Variants in HYDIN observed in about 807,000 individuals in gnomAD.
HYDIN encodes HYDIN axonemal central pair apparatus protein.
A neutral mutation model predicts 403.9 loss-of-function variants in HYDIN; 132 were observed. The ratio of observed to expected loss-of-function variants is 0.33; its 90% confidence interval spans 0.28 to 0.38. The LOEUF is 0.38. Ranked by LOEUF, HYDIN falls within the 10% of genes least tolerant of loss-of-function variation. The pLI, the probability that HYDIN is intolerant of heterozygous loss-of-function variation, is 1.00. For missense variants in HYDIN, 2,827 were observed against 5,009.5 expected (o/e 0.56, Z 13.15); for synonymous variants, 1,202 against 1,891.7 (o/e 0.64, Z 9.46).
intron 1 of HYDIN, among the ~76,000 whole-genome samples, chr16:71,189,061 T>C (rs2087292351): frequency 6.6e-6 from 1 of 152,238 alleles, no homozygotes; most frequent in African/African-American, 2.4e-5. Context: ...ATTATCCTTT[T>C]TGATTATATG....
chr16:70,979,426 C>T (rs1458911604), intron 29 of HYDIN, among the ~76,000 whole-genome samples: 4 of 151,986 alleles, frequency 2.6e-5, no homozygotes, highest in East Asian at 1.9e-4. Flanking sequence ...CCCAGACAGC[C>T]GGTCACCCTT....
At chr16:70,986,809 T>G (rs1046312963) in intron 27 of HYDIN, among the ~76,000 whole-genome samples, 1 of 115,768 alleles carries the variant, frequency 8.6e-6, no homozygotes, top group African/African-American at 3.3e-5. Flanking sequence ...AAGGTTTGGG[T>G]TTGGCAGAGT....
At chr16:70,855,882 G>A (rs1185524800) in intron 72 of HYDIN, among the ~76,000 whole-genome samples, 3 of 152,222 alleles carry the variant, frequency 2.0e-5, no homozygotes, top group Non-Finnish European at 2.9e-5. Context: ...AATATGTCCC[G>A]AGCAATATTT....
At position 71,069,404 on chromosome 16, in the gene HYDIN, T is replaced by C. The variant is rs1380909401; in HGVS notation, c.1837A>G (p.Ile613Val). The C allele has an allele frequency of 1.2e-6, 2 of 1,614,068 alleles. No homozygotes were observed. ...IPGDGLGHKS[I>V]SYCEQHVDYK... The stretch of plus-strand genomic sequence containing the variant: ...TCCACATGCTGCTCACAATATGAAA[T>C]GCTTTTATGGCCAAGGCCATCCCCA... The change falls in exon 14 of 86, where the codon ATT becomes GTT. Residue 613 changes from isoleucine (I) to valine (V), a missense_variant. Transcript: ENST00000393567.
chr16:70,938,907 T>A, intron 43 of HYDIN, 152 bp from the exon 44 acceptor site: 1 of 606,744 alleles, frequency 1.6e-6, no homozygotes, highest in South Asian at 2.0e-5. Context: ...GGTCCCTTCA[T>A]CCATGCACTT....
rs77124089 is a variant in HYDIN at position 70,908,482 on chromosome 16, C to T, written c.8214-48G>A. 6,808 of 1,215,908 alleles carry T rather than the reference C, an allele frequency of 5.6e-3. 442 individuals carry two copies. The East Asian group carries it at 0.14, about 25-fold the overall frequency. 75.3% of individuals were successfully genotyped at this position (1,215,908 alleles called of 1,614,324 possible). A position where few individuals can be genotyped will look rare whatever the true frequency, so the allele number is the denominator to read the frequency against. ...ATAAAGTGAGAGTGCTCCCCTCTGG[C>T]CAAGAGAAGACAGGAGAGCTGCCTG... On this transcript the variant is annotated intron_variant, in intron 48 of 85. Transcript: ENST00000393567.
At chr16:70,909,160 C>T (rs1395765368) in intron 47 of HYDIN, among the ~76,000 whole-genome samples, 1 of 151,396 alleles carries the variant, frequency 6.6e-6, no homozygotes, top group African/African-American at 2.4e-5. Context: ...CTTCTTGGTA[C>T]CACTAAGCCA....
At chr16:70,847,754 T>C (rs2038315069) in intron 75 of HYDIN, among the ~76,000 whole-genome samples, 1 of 152,084 alleles carries the variant, frequency 6.6e-6, no homozygotes, top group African/African-American at 2.4e-5. Flanking sequence ...GGTAATGATG[T>C]GTCTAGGTGT....
chr16:71,063,719 G>A (rs1385982048), intron 16 of HYDIN, among the ~76,000 whole-genome samples: 1 of 152,188 alleles, frequency 6.6e-6, no homozygotes, highest in African/African-American at 2.4e-5. Context: ...CCCGTGACTT[G>A]TGAAAGGTAG....
intron 7 of HYDIN, among the ~76,000 whole-genome samples, chr16:71,143,719 T>C (rs1313469178): frequency 6.6e-6 from 1 of 152,276 alleles, no homozygotes; most frequent in Non-Finnish European, 1.5e-5. Flanking sequence ...TTCAGATAGA[T>C]ATTATTTAGC....
chr16:71,173,350 C>T (rs564271269), intron 5 of HYDIN, among the ~76,000 whole-genome samples: 5 of 152,122 alleles, frequency 3.3e-5, no homozygotes, highest in African/African-American at 7.2e-5. Flanking sequence ...ATAAGTGGAA[C>T]GGTAAGAAGG....
At chr16:71,074,707 C>CAAAAAAAAAAAAAAAAAAAAA (rs59315287) in intron 13 of HYDIN, among the ~76,000 whole-genome samples, 5 of 86,242 alleles carry the variant, frequency 5.8e-5, no homozygotes, top group Admixed American at 1.3e-4. Flanking sequence ...CAAAAAACAC[C>CAAAAAAAAAAAAAAAAAAAAA]AAAAAAAAAA....
In HYDIN at chr16:71,005,373, T is replaced by C. The variant is rs1470282464; in HGVS notation, c.3644+12756A>G. Among the ~76,000 whole-genome samples the C allele has an allele frequency of 2.0e-5, 3 of 152,032 alleles. No homozygotes were observed. In the East Asian group the frequency reaches 5.8e-4, roughly 29 times the overall value. ...GGTGAGACCAGCCTCACGGAATTAG[T>C]GCCCTTATAAGAAGGGACACCAGAG... On this transcript the variant is annotated intron_variant, in intron 23 of 85. Coordinates refer to ENST00000393567, the MANE Select transcript of HYDIN (RefSeq NM_001270974.2).
intron 35 of HYDIN, among the ~76,000 whole-genome samples, 179 bp from the exon 36 acceptor site, chr16:70,970,938 G>A (rs1449927614): frequency 1.3e-5 from 2 of 152,178 alleles, no homozygotes; most frequent in Admixed American, 6.5e-5. Context: ...TATTTAGCAT[G>A]CCAAGCATTG....
chr16:71,034,289 C>G (rs917649641), intron 18 of HYDIN, among the ~76,000 whole-genome samples: 3 of 151,788 alleles, frequency 2.0e-5, no homozygotes, highest in Admixed American at 6.6e-5. Context: ...ACACATGTAG[C>G]TCTATGGGGG....
At chr16:70,985,777 A>G (rs868697355) in intron 27 of HYDIN, among the ~76,000 whole-genome samples, 2 of 151,922 alleles carry the variant, frequency 1.3e-5, no homozygotes, top group Middle Eastern at 6.8e-3. Context: ...ATGCAGCCAT[A>G]AAAAATGATG....
At chr16:71,004,897 A>G (rs2079846339) in intron 23 of HYDIN, among the ~76,000 whole-genome samples, 2 of 152,228 alleles carry the variant, frequency 1.3e-5, no homozygotes, top group South Asian at 4.1e-4. Flanking sequence ...TTTAATGGTT[A>G]TAAGACCATT....
intron 41 of HYDIN, among the ~76,000 whole-genome samples, chr16:70,945,536 C>T (rs1260156843): frequency 6.6e-6 from 1 of 152,150 alleles, no homozygotes; most frequent in Admixed American, 6.6e-5. Context: ...TTAAGTAATG[C>T]AACTGAGTGA....
chr16:70,944,488 T>G (rs1401766502), intron 41 of HYDIN, among the ~76,000 whole-genome samples: 2 of 152,016 alleles, frequency 1.3e-5, no homozygotes, highest in South Asian at 4.2e-4. Context: ...GACAAGATCT[T>G]GGGAGCAGAG....
Sources: allele counts gnomAD v4.1 joint callset (sites outside exome capture counted in the v4.1 genomes callset), GRCh38; gene constraint gnomAD v4.1.1; transcripts MANE v1.5; gene names NCBI Gene and HGNC (gene_info 2026-07-23, HGNC 2026-07-21).